Variants in VPS13B observed in about 807,000 individuals in gnomAD.
VPS13B encodes vacuolar protein sorting 13 homolog B, also known as intermembrane lipid transfer protein VPS13B.
VPS13B carries 285 observed loss-of-function variants against 426.4 expected under a neutral mutation model. That is an observed-to-expected ratio of 0.67 (90% CI 0.61 to 0.74). The LOEUF is 0.74. Among genes scored for constraint, VPS13B ranks in the 30% least tolerant of loss-of-function variants. The pLI is 0.00. For synonymous variants in VPS13B, 1,676 were observed against 1,676.4 expected (o/e 1.00, Z 0.01); for missense variants, 4,537 against 4,782.6 (o/e 0.95, Z 1.51).
intron 3 of VPS13B, among the ~76,000 whole-genome samples, chr8:99,050,979 T>A (rs1452859444): frequency 6.6e-6 from 1 of 152,178 alleles, no homozygotes; most frequent in Non-Finnish European, 1.5e-5. Context: ...ATTCTGTAGG[T>A]TGTCTGTTCA....
intron 17 of VPS13B, among the ~76,000 whole-genome samples, chr8:99,224,939 A>G (rs1815929938): frequency 6.6e-6 from 1 of 152,190 alleles, no homozygotes; most frequent in East Asian, 1.9e-4. Flanking sequence ...TCACAGAGAA[A>G]TGACTTAGAA....
chr8:99,496,119 C>A (rs1820868912), intron 25 of VPS13B, among the ~76,000 whole-genome samples: 1 of 152,170 alleles, frequency 6.6e-6, no homozygotes, highest in East Asian at 1.9e-4. Context: ...GAAGGGAGAG[C>A]AAAATTTGGG....
At chr8:99,699,990 C>T in intron 36 of VPS13B, 58 bp downstream of exon 36, 4 of 1,575,742 alleles carry the variant, frequency 2.5e-6, no homozygotes, top group Non-Finnish European at 3.5e-6. Flanking sequence ...TTGTTAACAT[C>T]TGAAAATGCA....
At chr8:99,401,879 A>C (rs1815057989) in intron 21 of VPS13B, among the ~76,000 whole-genome samples, 1 of 152,074 alleles carries the variant, frequency 6.6e-6, no homozygotes, top group Non-Finnish European at 1.5e-5. Context: ...TACATAAATA[A>C]ATAAATAAAT....
At chr8:99,665,794 C>A (rs903912381) in intron 35 of VPS13B, among the ~76,000 whole-genome samples, 2 of 152,060 alleles carry the variant, frequency 1.3e-5, no homozygotes, top group African/African-American at 4.8e-5. Flanking sequence ...ATTGACTTGG[C>A]GATGCGGGCT....
intron 25 of VPS13B, among the ~76,000 whole-genome samples, chr8:99,498,876 A>T (rs950150794): frequency 6.6e-6 from 1 of 152,100 alleles, no homozygotes; most frequent in African/African-American, 2.4e-5. Context: ...GCCACTTGTT[A>T]CTGTTGACTT....
chr8:99,157,037 G>A (rs886720047), intron 15 of VPS13B, among the ~76,000 whole-genome samples: 4 of 152,120 alleles, frequency 2.6e-5, no homozygotes, highest in African/African-American at 9.7e-5. Flanking sequence ...TAAGCAATGT[G>A]AAAGAGCACT....
intron 30 of VPS13B, among the ~76,000 whole-genome samples, chr8:99,550,830 A>G (rs959339292): frequency 1.3e-5 from 2 of 152,102 alleles, no homozygotes; most frequent in East Asian, 3.8e-4. Flanking sequence ...ATTTCTAAAC[A>G]TAAGCAGTTT....
intron 19 of VPS13B, among the ~76,000 whole-genome samples, chr8:99,383,761 C>T (rs978572686): frequency 1.5e-4 from 23 of 152,202 alleles, no homozygotes; most frequent in African/African-American, 4.1e-4. Context: ...ATAATGTTTT[C>T]GAGATTCATC....
intron 21 of VPS13B, among the ~76,000 whole-genome samples, chr8:99,395,755 G>C (rs1213181061): frequency 6.6e-6 from 1 of 152,094 alleles, no homozygotes; most frequent in Non-Finnish European, 1.5e-5. Context: ...AAACAGGAGA[G>C]AAACTAGCCA....
chr8:99,150,050 G>A (rs1032465445), intron 14 of VPS13B, among the ~76,000 whole-genome samples: 8 of 152,094 alleles, frequency 5.3e-5, no homozygotes, highest in African/African-American at 1.4e-4. Flanking sequence ...CTTTAAAGAA[G>A]TTATGTAAGG....
chr8:99,845,373 A>G (rs1377080887), intron 54 of VPS13B, among the ~76,000 whole-genome samples: 1 of 152,136 alleles, frequency 6.6e-6, no homozygotes, highest in Non-Finnish European at 1.5e-5. Flanking sequence ...TACTGGCTTA[A>G]AAGAAGAATG....
chr8:99,044,785 A>G (rs762769973), intron 3 of VPS13B, among the ~76,000 whole-genome samples: 2 of 150,698 alleles, frequency 1.3e-5, no homozygotes, highest in African/African-American at 2.4e-5. Context: ...ATAGTCTCCA[A>G]TCTCCTCCAG....
chr8:99,104,539 T>C (rs376920815), intron 5 of VPS13B, among the ~76,000 whole-genome samples: 2 of 152,072 alleles, frequency 1.3e-5, no homozygotes, highest in African/African-American at 4.8e-5. Flanking sequence ...CTTCCTTCTT[T>C]TCCTCCCCTC....
chr8:99,419,022 T>C (rs1816231770), intron 21 of VPS13B, among the ~76,000 whole-genome samples: 1 of 152,236 alleles, frequency 6.6e-6, no homozygotes, highest in African/African-American at 2.4e-5. Flanking sequence ...CCTTGACTTC[T>C]GATATGGTCT....
chr8:99,386,005 G>C (rs189313161), intron 20 of VPS13B, among the ~76,000 whole-genome samples: 15 of 152,290 alleles, frequency 9.8e-5, no homozygotes, highest in Admixed American at 2.6e-4. Flanking sequence ...GTAAAGAGGA[G>C]CTATAGGAAA....
intron 43 of VPS13B, among the ~76,000 whole-genome samples, chr8:99,794,170 C>G (rs1812692968): frequency 6.6e-6 from 1 of 152,290 alleles, no homozygotes; most frequent in African/African-American, 2.4e-5. Flanking sequence ...TTTCCCCTAA[C>G]TAGACATCCA....
At chr8:99,723,209 AG>A (rs1833201686) in intron 39 of VPS13B, among the ~76,000 whole-genome samples, 1 of 152,244 alleles carries the variant, frequency 6.6e-6, no homozygotes, top group East Asian at 1.9e-4. Context: ...CAACAAAATG[AG>A]GCTAATAATA....
At chr8:99,279,602 A>C (rs1462005463) in intron 19 of VPS13B, among the ~76,000 whole-genome samples, 2 of 152,044 alleles carry the variant, frequency 1.3e-5, no homozygotes, top group Non-Finnish European at 2.9e-5. Flanking sequence ...TTCTTATGCT[A>C]TATTTTGCCT....
Sources: allele counts gnomAD v4.1 joint callset (sites outside exome capture counted in the v4.1 genomes callset), GRCh38; gene constraint gnomAD v4.1.1; transcripts MANE v1.5; gene names NCBI Gene and HGNC (gene_info 2026-07-23, HGNC 2026-07-21).